Variants in LRP1B observed in about 807,000 individuals in gnomAD.
The protein encoded by LRP1B is LDL receptor related protein 1B.
In LRP1B, 217 loss-of-function variants were observed where a neutral mutation model predicts 556.6. The observed-to-expected ratio is 0.39, with a 90% CI of 0.35 to 0.44. The LOEUF (loss-of-function observed/expected upper bound fraction) is 0.44. LRP1B is among the 20% of genes least tolerant of loss of function. LRP1B has a pLI of 1.00. For missense variants in LRP1B, 5,053 were observed against 5,620.8 expected (o/e 0.90, Z 3.23); for synonymous variants, 2,047 against 1,865.8 (o/e 1.10, Z -2.50).
chr2:140,960,759 A>T (rs1222032860), intron 18 of LRP1B, among the ~76,000 whole-genome samples: 1 of 151,944 alleles, frequency 6.6e-6, no homozygotes, highest in African/African-American at 2.4e-5. Flanking sequence ...TATTTTATTG[A>T]ACTCCAATAT....
chr2:140,571,548 T>A (rs1302165791), intron 43 of LRP1B, among the ~76,000 whole-genome samples: 1 of 151,752 alleles, frequency 6.6e-6, no homozygotes, highest in Non-Finnish European at 1.5e-5. Flanking sequence ...GTCTATGGTT[T>A]AGATGAATCA....
intron 7 of LRP1B, among the ~76,000 whole-genome samples, chr2:141,089,176 A>G (rs1486260260): frequency 6.6e-6 from 1 of 152,202 alleles, no homozygotes; most frequent in African/African-American, 2.4e-5. Context: ...TAGCAGCAAC[A>G]ATATACACAG....
intron 3 of LRP1B, among the ~76,000 whole-genome samples, chr2:141,335,812 C>A (rs557618529): frequency 6.6e-6 from 1 of 151,944 alleles, no homozygotes; most frequent in Non-Finnish European, 1.5e-5. Context: ...GATAAACATG[C>A]GTGTGTGTTG....
At chr2:140,596,798 T>G (rs1162164504) in intron 43 of LRP1B, among the ~76,000 whole-genome samples, 2 of 152,156 alleles carry the variant, frequency 1.3e-5, no homozygotes, top group Non-Finnish European at 2.9e-5. Context: ...TAAACTTCTT[T>G]GTGCCTCATT....
intron 6 of LRP1B, among the ~76,000 whole-genome samples, chr2:141,196,396 C>A (rs916713131): frequency 6.6e-6 from 1 of 152,158 alleles, no homozygotes; most frequent in East Asian, 1.9e-4. Context: ...TCATTCTTTA[C>A]ACCCCTCCAT....
chr2:140,548,648 C>T (rs945895297), intron 43 of LRP1B, among the ~76,000 whole-genome samples: 3 of 152,110 alleles, frequency 2.0e-5, no homozygotes, highest in South Asian at 4.2e-4. Flanking sequence ...AATTGTCAGG[C>T]GTGGTGGCTC....
intron 2 of LRP1B, among the ~76,000 whole-genome samples, chr2:141,500,401 C>T (rs1033929309): frequency 1.9e-4 from 29 of 152,078 alleles, no homozygotes; most frequent in African/African-American, 6.0e-4. Context: ...TCCTGTTGAT[C>T]TGTGTTTTGT....
chr2:141,737,021 G>T (rs1379631863), intron 2 of LRP1B, among the ~76,000 whole-genome samples: 1 of 152,138 alleles, frequency 6.6e-6, no homozygotes, highest in Non-Finnish European at 1.5e-5. Flanking sequence ...TAGGTAGGAA[G>T]AAAACCATGT....
chr2:140,845,145 CAAAA>C (rs1031252631), intron 29 of LRP1B, among the ~76,000 whole-genome samples: 2 of 151,982 alleles, frequency 1.3e-5, no homozygotes, highest in Admixed American at 1.3e-4. Flanking sequence ...AACAAACAAA[CAAAA>C]ACACACAAAC....
At chr2:141,272,711 G>A (rs1336211383) in intron 3 of LRP1B, among the ~76,000 whole-genome samples, 1 of 151,750 alleles carries the variant, frequency 6.6e-6, no homozygotes, top group Admixed American at 6.6e-5. Flanking sequence ...TAAAAATATA[G>A]AAACAAATAA....
chr2:141,961,717 T>G (rs765909322), intron 1 of LRP1B, among the ~76,000 whole-genome samples: 63 of 150,880 alleles, frequency 4.2e-4, no homozygotes, highest in Non-Finnish European at 7.8e-4. Flanking sequence ...TTTCCAGATC[T>G]TTTTACTTTA....
intron 53 of LRP1B, among the ~76,000 whole-genome samples, chr2:140,506,117 T>C (rs1410114508): frequency 1.4e-5 from 2 of 141,926 alleles, no homozygotes; most frequent in South Asian, 2.2e-4. Flanking sequence ...TTCTGAATTA[T>C]GTTTTTTTTA....
chr2:141,836,910 T>G (rs1697300927), intron 1 of LRP1B, among the ~76,000 whole-genome samples: 1 of 152,030 alleles, frequency 6.6e-6, no homozygotes, highest in African/African-American at 2.4e-5. Context: ...TTTTTCTAAT[T>G]GGAACATTTA....
At chr2:141,948,966 A>G (rs759384286) in intron 1 of LRP1B, among the ~76,000 whole-genome samples, 87 of 152,138 alleles carry the variant, frequency 5.7e-4, no homozygotes, top group Non-Finnish European at 1.0e-3. Context: ...ACACGCAAAT[A>G]TACACAGACA....
At chr2:140,847,775 AAG>A (rs67420318) in intron 29 of LRP1B, among the ~76,000 whole-genome samples, 114,073 of 147,212 alleles carry the variant, frequency 0.77, 44,486 homozygotes, top group Non-Finnish European at 0.84. Context: ...AAAAAAAAAA[AAG>A]AAGAAAGAAA....
chr2:141,912,573 G>A (rs559734146), intron 1 of LRP1B, among the ~76,000 whole-genome samples: 1 of 152,204 alleles, frequency 6.6e-6, no homozygotes, highest in African/African-American at 2.4e-5. Flanking sequence ...TGTGGGGAGA[G>A]GACAATGGAG....
At chr2:141,521,210 C>A (rs1684518115) in intron 2 of LRP1B, among the ~76,000 whole-genome samples, 1 of 152,106 alleles carries the variant, frequency 6.6e-6, no homozygotes, top group Non-Finnish European at 1.5e-5. Flanking sequence ...TTATAAAACC[C>A]TTTCACATTT....
At chr2:141,688,479 T>C (rs1196688249) in intron 2 of LRP1B, among the ~76,000 whole-genome samples, 1 of 151,900 alleles carries the variant, frequency 6.6e-6, no homozygotes. Flanking sequence ...TGAAATCAAA[T>C]AACAAGTAAA....
intron 51 of LRP1B, 145 bp downstream of exon 51, chr2:140,514,508 G>T: frequency 1.7e-6 from 1 of 594,846 alleles, no homozygotes; most frequent in Non-Finnish European, 2.6e-6. Flanking sequence ...GGATTGTCAT[G>T]AAAATAATAA....
Sources: allele counts gnomAD v4.1 joint callset (sites outside exome capture counted in the v4.1 genomes callset), GRCh38; gene constraint gnomAD v4.1.1; transcripts MANE v1.5; gene names NCBI Gene and HGNC (gene_info 2026-07-23, HGNC 2026-07-21).